NUP153: variants seen among roughly 807,000 people sequenced by gnomAD.
The protein encoded by NUP153 is nuclear pore complex protein Nup153.
NUP153 carries 27 observed loss-of-function variants against 134.6 expected under a neutral mutation model. The observed-to-expected ratio is 0.20, with a 90% CI of 0.15 to 0.28. NUP153 has a LOEUF of 0.28. Among genes scored for constraint, NUP153 ranks in the 10% least tolerant of loss-of-function variants. NUP153 has a pLI of 1.00. For missense variants in NUP153, 1,821 were observed against 1,731.3 expected (o/e 1.05, Z -0.92); for synonymous variants, 640 against 623.5 (o/e 1.03, Z -0.40).
intron 17 of NUP153, among the ~76,000 whole-genome samples, chr6:17,631,915 A>C (rs962440184): frequency 2.0e-5 from 3 of 152,052 alleles, no homozygotes; most frequent in East Asian, 1.9e-4. Context: ...TGCAGTGAGC[A>C]GAGATCGGCC....
In NUP153 at chr6:17,674,725, T is replaced by C. The variant is rs12195779; in HGVS notation, c.852+180A>G. On this transcript the variant is annotated intron_variant, in intron 5 of 21. Transcript: ENST00000262077. ...ACGGAGGTTGCAGTGTGGTCCGAGA[T>C]TGTGCCACCGCACTCCAGCCTGGGC... 8.9e-3 allele frequency among the ~76,000 whole-genome samples: 1,349 copies of C among 152,154 alleles called. 10 individuals carry two copies. The highest frequency in any genetic ancestry group is 0.014 in the Non-Finnish European group (936 of 67,990).
Position 17,674,976 on chromosome 6 carries a change from G to C in NUP153, c.781C>G (p.Pro261Ala). Residue 261 changes from proline (P) to alanine (A), a missense_variant, in exon 5 of 22, where the codon CCT becomes GCT. Physicochemically the swap from Pro to Ala is conservative, Grantham distance 27. Transcript: ENST00000262077. ...TSQLGDSPFY[P>A]GKTTYGGAAA... ...GCCCCACCGTATGTTGTTTTTCCAG[G>C]ATAAAAAGGAGAATCTCCAAGCTGA... is the stretch of plus-strand genomic sequence containing the variant. 6.2e-7 allele frequency: 1 copy of C among 1,613,402 alleles called. No homozygotes were observed. The highest frequency in any genetic ancestry group is 8.5e-7 in the Non-Finnish European group (1 of 1,179,612).
Position 17,703,301 on chromosome 6 carries a change from T to C in NUP153, c.111+2976A>G, listed in dbSNP as rs138709791. ...AAACCCAGAAGTCAAAACAGGAAATTACAAGTCAAATGAACACATGCAGAA... is the reference window on the plus strand; with the variant it reads ...AAACCCAGAAGTCAAAACAGGAAATCACAAGTCAAATGAACACATGCAGAA... On this transcript the variant is annotated intron_variant, in intron 1 of 21. Coordinates refer to ENST00000262077, the MANE Select transcript of NUP153 (RefSeq NM_005124.4). Among the ~76,000 whole-genome samples, 6 of 151,914 alleles carry C rather than the reference T, an allele frequency of 3.9e-5. No homozygotes were observed. The East Asian group carries it at 9.7e-4, about 24-fold the overall frequency.
intron 16 of NUP153, among the ~76,000 whole-genome samples, chr6:17,633,775 T>C (rs1165148186): frequency 6.6e-6 from 1 of 152,218 alleles, no homozygotes; most frequent in African/African-American, 2.4e-5. Flanking sequence ...GGCCTACAAC[T>C]GTCGCCACCT....
intron 11 of NUP153, chr6:17,651,920 C>T (rs1457088155): frequency 4.7e-6 from 3 of 634,412 alleles, no homozygotes; most frequent in East Asian, 2.8e-5. Flanking sequence ...ACGGTGAGAC[C>T]TTGTCTCTAC....
chr6:17,643,542 C>T (rs1045321703), intron 14 of NUP153, among the ~76,000 whole-genome samples: 1 of 152,256 alleles, frequency 6.6e-6, no homozygotes, highest in East Asian at 1.9e-4. Flanking sequence ...AATTTAATCA[C>T]GTTCTATCTT....
chr6:17,669,461 T>C lies in NUP153; in HGVS notation c.938A>G (p.Gln313Arg). ...AGGGCTTGACATCTTCTCTAAAGAC[T>C]GCAATATTCGCCGAGCTGTTGAACT... ...VTSSTARRIL[Q>R]SLEKMSSPLA... The change falls in exon 6 of 22, where the codon CAG becomes CGG. Residue 313 changes from glutamine (Q) to arginine (R), a missense_variant. By Grantham distance (43) the Gln-to-Arg change is conservative. Coordinates refer to ENST00000262077, the MANE Select transcript of NUP153 (RefSeq NM_005124.4). 1.2e-6 allele frequency: 2 copies of C among 1,614,038 alleles called. No individual in the cohort carries two copies. The highest frequency in any genetic ancestry group is 2.2e-5 in the South Asian group (2 of 91,078).
chr6:17,700,982 G>A (rs1320695732), intron 1 of NUP153, among the ~76,000 whole-genome samples: 1 of 152,194 alleles, frequency 6.6e-6, no homozygotes, highest in African/African-American at 2.4e-5. Context: ...CACTTCGCGG[G>A]AGGCCAAGGC....
chr6:17,671,838 T>C (rs1767930873), intron 5 of NUP153, among the ~76,000 whole-genome samples: 2 of 152,118 alleles, frequency 1.3e-5, no homozygotes, highest in Non-Finnish European at 2.9e-5. Context: ...TAAAACCCTG[T>C]CTCTACTAAA....
intron 20 of NUP153, among the ~76,000 whole-genome samples, chr6:17,618,562 CT>C (rs34236407): frequency 0.23 from 31,268 of 133,286 alleles, 3,638 homozygotes; most frequent in African/African-American, 0.29. Context: ...TAAAATCTCT[CT>C]TTTTTTTTTT....
Position 17,629,242 on chromosome 6 carries a change from G to C in NUP153, c.2957C>G (p.Ser986Cys), listed in dbSNP as rs1765103428. The C allele has an allele frequency of 6.2e-7, 1 of 1,613,284 alleles. No homozygotes were observed. Among genetic ancestry groups the C allele is most frequent in the Non-Finnish European group, 8.5e-7 (1 of 1,179,802 alleles). ...SKNDNFKFGL[S>C]SGLSNPVSLT... The stretch of plus-strand genomic sequence containing the variant: ...AGAAACTGGGTTGCTTAAACCAGAA[G>C]AAAGTCCAAACTTAAAATTATCATT... The change falls in exon 18 of 22, where the codon TCT (serine) becomes TGT (cysteine). Residue 986 changes from serine to cysteine, a missense_variant. Ser to Cys is a moderately radical substitution (Grantham distance 112). Coordinates refer to ENST00000262077, the MANE Select transcript of NUP153 (RefSeq NM_005124.4).
chr6:17,618,570 T>A (rs1764462980), intron 20 of NUP153, among the ~76,000 whole-genome samples: 1 of 151,408 alleles, frequency 6.6e-6, no homozygotes, highest in African/African-American at 2.4e-5. Context: ...CTCTTTTTTT[T>A]TTTTTTTTTT....
At chr6:17,691,040 G>A (rs375382666) in intron 1 of NUP153, among the ~76,000 whole-genome samples, 47 of 152,278 alleles carry the variant, frequency 3.1e-4, no homozygotes, top group Admixed American at 5.9e-4. Flanking sequence ...TACTCAGGAG[G>A]CTGAGGCAGG....
At chr6:17,616,761 G>T in intron 20 of NUP153, 66 bp from the exon 21 acceptor site, 2 of 1,480,248 alleles carry the variant, frequency 1.4e-6, no homozygotes, top group South Asian at 2.4e-5. Flanking sequence ...TTGTTTGTTT[G>T]TTTTTTGAGA....
At chr6:17,684,339 TAC>T (rs1208970824) in intron 2 of NUP153, among the ~76,000 whole-genome samples, 1 of 152,244 alleles carries the variant, frequency 6.6e-6, no homozygotes, top group Admixed American at 6.5e-5. Flanking sequence ...CCTTTTATGT[TAC>T]AGAGACAGAT....
In NUP153 at chr6:17,637,578, G is replaced by A. The variant is rs749372607; in HGVS notation, c.2039C>T (p.Ala680Val). 1 of 1,614,066 alleles carries A rather than the reference G, an allele frequency of 6.2e-7. No individual in the cohort carries two copies. The highest frequency in any genetic ancestry group is 1.3e-5 in the African/African-American group (1 of 75,006). ...QNKVTDNKCIACQAAKLSPRD... is the reference protein window; with the variant it reads ...QNKVTDNKCIVCQAAKLSPRD... ...GGGTGACAATTTTGCTGCTTGACAG[G>A]CTATGCATTTGTTGTCTGTAACTTT... The change falls in exon 16 of 22, where the codon GCC becomes GTC. Residue 680 changes from alanine to valine, a missense_variant. By Grantham distance (64) the Ala-to-Val change is moderately conservative (BLOSUM62 0). Transcript: ENST00000262077.
At chr6:17,676,650 A>G (rs1447999556) in intron 2 of NUP153, among the ~76,000 whole-genome samples, 1 of 152,190 alleles carries the variant, frequency 6.6e-6, no homozygotes, top group Admixed American at 6.5e-5. Flanking sequence ...GACTGGAGAA[A>G]AAATATGAAG....
intron 20 of NUP153, among the ~76,000 whole-genome samples, chr6:17,622,692 T>TA (rs926575612): frequency 3.6e-4 from 46 of 127,916 alleles, no homozygotes; most frequent in East Asian, 9.0e-4. Flanking sequence ...GCTCTTTACA[T>TA]AAAAAAAAAA....
Position 17,637,591 on chromosome 6 carries a change from T to C in NUP153, c.2026A>G (p.Asn676Asp), listed in dbSNP as rs1357395822. 1 of 1,614,162 alleles carries C rather than the reference T, an allele frequency of 6.2e-7. No homozygotes were observed. Among genetic ancestry groups the C allele is most frequent in the Admixed American group, 1.7e-5 (1 of 60,014 alleles). The change falls in exon 16 of 22, where the codon AAC (asparagine) becomes GAC (aspartate). Residue 676 changes from asparagine (N) to aspartate (D), a missense_variant. Physicochemically the swap from Asn to Asp is conservative, Grantham distance 23. Transcript: ENST00000262077. ...GCTGCTTGACAGGCTATGCATTTGT[T>C]GTCTGTAACTTTGTTCTGGAGTAGA... is the stretch of plus-strand genomic sequence containing the variant. The part of the protein sequence containing the change: ...TCLLQNKVTD[N>D]KCIACQAAKL...
Sources: gnomAD v4.1 joint callset for allele counts (sites outside exome capture counted in the v4.1 genomes callset) on GRCh38, gnomAD v4.1.1 for gene constraint, MANE v1.5 for transcripts, NCBI Gene and HGNC (gene_info 2026-07-23, HGNC 2026-07-21) for gene names.